The following BABAM2 variants were observed in gnomAD, a reference collection of about 807,000 sequenced individuals.
The protein encoded by BABAM2 is BRISC and BRCA1-A complex member 2.
In BABAM2, 31 loss-of-function variants were observed where a neutral mutation model predicts 54.7. The observed-to-expected ratio is 0.57, with a 90% CI of 0.43 to 0.77. BABAM2 has a LOEUF of 0.77. Among genes scored for constraint, BABAM2 ranks in the 30% least tolerant of loss-of-function variants. BABAM2 has a pLI of 0.00. For missense variants in BABAM2, 364 were observed against 455.8 expected, an observed-to-expected ratio of 0.80 and a Z score of 1.83; for synonymous variants, 167 against 162.9, an observed-to-expected ratio of 1.03 and a Z score of -0.19.
chr2:27,919,115 T>C (rs990834502), intron 2 of BABAM2, among the ~76,000 whole-genome samples: 3 of 152,232 alleles, frequency 2.0e-5, no homozygotes, highest in Non-Finnish European at 4.4e-5. Flanking sequence ...TATTTCTATA[T>C]ATTTGATCAT....
intron 6 of BABAM2, among the ~76,000 whole-genome samples, chr2:28,065,445 G>A (rs1345538822): frequency 6.6e-6 from 1 of 152,098 alleles, no homozygotes; most frequent in Non-Finnish European, 1.5e-5. Context: ...CTTGGGTTGT[G>A]GTTCTCCTTA....
chr2:28,301,859 T>C (rs1688130401), intron 11 of BABAM2, among the ~76,000 whole-genome samples: 2 of 152,224 alleles, frequency 1.3e-5, no homozygotes. Flanking sequence ...GCTTTGCATA[T>C]ATATCTTTTT....
intron 10 of BABAM2, among the ~76,000 whole-genome samples, chr2:28,253,184 A>T (rs1464926837): frequency 6.6e-6 from 1 of 152,026 alleles, no homozygotes; most frequent in Non-Finnish European, 1.5e-5. Flanking sequence ...CGGATGGATC[A>T]CCTGAGGTCA....
chr2:27,986,954 C>G (rs1480792567), intron 3 of BABAM2, among the ~76,000 whole-genome samples: 2 of 152,100 alleles, frequency 1.3e-5, no homozygotes, highest in Non-Finnish European at 2.9e-5. Flanking sequence ...CAGAAGAATT[C>G]AGAAAAGAAA....
At chr2:28,288,822 C>G (rs549619971) in intron 10 of BABAM2, among the ~76,000 whole-genome samples, 1 of 152,136 alleles carries the variant, frequency 6.6e-6, no homozygotes, top group Admixed American at 6.5e-5. Flanking sequence ...TGCGTGACAC[C>G]GCGTGTGTGC....
chr2:27,939,287 G>A (rs1387967529), intron 3 of BABAM2, among the ~76,000 whole-genome samples: 2 of 152,144 alleles, frequency 1.3e-5, no homozygotes, highest in Non-Finnish European at 2.9e-5. Context: ...CTGAATCAAA[G>A]TATTCAGTAA....
chr2:28,149,260 A>C (rs1286513912), intron 7 of BABAM2, among the ~76,000 whole-genome samples: 1 of 152,194 alleles, frequency 6.6e-6, no homozygotes, highest in African/African-American at 2.4e-5. Flanking sequence ...CTACACACTG[A>C]GTACTGGGTA....
chr2:28,223,933 C>A (rs1680640477), intron 7 of BABAM2, among the ~76,000 whole-genome samples: 6 of 152,146 alleles, frequency 3.9e-5, no homozygotes, highest in Admixed American at 3.9e-4. Flanking sequence ...CTCCTCCCAC[C>A]CCTTCCTCTC....
intron 7 of BABAM2, among the ~76,000 whole-genome samples, chr2:28,187,100 C>T (rs1421689147): frequency 6.6e-6 from 1 of 152,158 alleles, no homozygotes; most frequent in East Asian, 1.9e-4. Flanking sequence ...CCACCGCGCC[C>T]AGCCGGAATT....
At chr2:27,953,775 A>G (rs193015991) in intron 3 of BABAM2, among the ~76,000 whole-genome samples, 1 of 152,332 alleles carries the variant, frequency 6.6e-6, no homozygotes, top group Admixed American at 6.5e-5. Flanking sequence ...AAAATAAACA[A>G]TGAAAAATAT....
intron 11 of BABAM2, among the ~76,000 whole-genome samples, chr2:28,319,339 G>T (rs1428161726): frequency 1.3e-5 from 2 of 152,228 alleles, no homozygotes; most frequent in Admixed American, 6.5e-5. Context: ...CTGTCCCTTT[G>T]TCTGGGCCTC....
At chr2:27,984,434 C>T (rs1672246594) in intron 3 of BABAM2, among the ~76,000 whole-genome samples, 1 of 151,998 alleles carries the variant, frequency 6.6e-6, no homozygotes, top group South Asian at 2.1e-4. Context: ...ATAGTTAGCA[C>T]TTTTGAATTT....
At chr2:28,277,306 T>C (rs1193608922) in intron 10 of BABAM2, among the ~76,000 whole-genome samples, 1 of 152,136 alleles carries the variant, frequency 6.6e-6, no homozygotes, top group Non-Finnish European at 1.5e-5. Context: ...GGTTTCACCA[T>C]GTTGGCCAGG....
At chr2:27,927,864 TAC>T (rs1667825643) in intron 2 of BABAM2, among the ~76,000 whole-genome samples, 1 of 147,096 alleles carries the variant, frequency 6.8e-6, no homozygotes, top group South Asian at 2.2e-4. Context: ...TCTTTTTTGA[TAC>T]AGAGTCTCAC....
intron 5 of BABAM2, among the ~76,000 whole-genome samples, chr2:28,029,777 C>A (rs1409389624): frequency 6.6e-6 from 1 of 152,178 alleles, no homozygotes; most frequent in African/African-American, 2.4e-5. Flanking sequence ...AATTTCCATA[C>A]TGTTTCCTTA....
chr2:28,004,426 A>G (rs1347760350), intron 4 of BABAM2, among the ~76,000 whole-genome samples: 1 of 152,220 alleles, frequency 6.6e-6, no homozygotes, highest in African/African-American at 2.4e-5. Context: ...ATTATGAACA[A>G]AACATTCAAC....
intron 7 of BABAM2, among the ~76,000 whole-genome samples, chr2:28,177,053 G>T (rs1675086095): frequency 6.6e-6 from 1 of 152,008 alleles, no homozygotes; most frequent in African/African-American, 2.4e-5. Flanking sequence ...ATAACAAGAA[G>T]TTCAGAGATT....
intron 6 of BABAM2, among the ~76,000 whole-genome samples, chr2:28,108,232 C>T (rs1395343484): frequency 5.3e-5 from 8 of 152,156 alleles, no homozygotes; most frequent in Admixed American, 5.2e-4. Context: ...ACCTAGTCTG[C>T]TATCTTAATT....
chr2:28,135,278 A>T (rs554637625), intron 7 of BABAM2, among the ~76,000 whole-genome samples: 1 of 152,332 alleles, frequency 6.6e-6, no homozygotes, highest in South Asian at 2.1e-4. Flanking sequence ...ACTTTAAAAT[A>T]TTCAAACTGC....
Sources: allele counts gnomAD v4.1 joint callset (sites outside exome capture counted in the v4.1 genomes callset), GRCh38; gene constraint gnomAD v4.1.1; transcripts MANE v1.5; gene names NCBI Gene and HGNC (gene_info 2026-07-23, HGNC 2026-07-21).